Variants in EPHA4 observed in about 807,000 individuals in gnomAD.
EPHA4 encodes the protein ephrin type-A receptor 4.
Under a neutral mutation model 108.3 loss-of-function variants are expected in EPHA4, and 19 were observed. The ratio of observed to expected loss-of-function variants is 0.18; its 90% CI spans 0.12 to 0.26. The LOEUF is 0.26. Among genes scored for constraint, EPHA4 ranks in the 10% least tolerant of loss-of-function variants. The pLI, the probability that EPHA4 is intolerant of heterozygous loss-of-function variation, is 1.00. For synonymous variants in EPHA4, 449 were observed against 455.5 expected, an observed-to-expected ratio of 0.99 and a Z score of 0.18; for missense variants, 917 against 1,254.0, an observed-to-expected ratio of 0.73 and a Z score of 4.06.
intron 3 of EPHA4, among the ~76,000 whole-genome samples, chr2:221,553,173 A>G (rs930987027): frequency 1.3e-5 from 2 of 152,234 alleles, no homozygotes; most frequent in African/African-American, 2.4e-5. Flanking sequence ...TTAAGGGCCT[A>G]AAGATTGCAA....
upstream of EPHA4, chr2:221,572,496 C>G (rs1007014474): frequency 3.3e-5 from 8 of 243,090 alleles, no homozygotes; most frequent in African/African-American, 2.2e-4. Context: ...TCCCGGGGCT[C>G]TAGGGGGCGA....
intron 3 of EPHA4, among the ~76,000 whole-genome samples, chr2:221,516,919 C>T (rs2106170222): frequency 6.6e-6 from 1 of 152,250 alleles, no homozygotes; most frequent in East Asian, 1.9e-4. Flanking sequence ...GCAGAGATTC[C>T]CAAGCACTCC....
At chr2:221,462,475 A>C (rs1184273432) in intron 5 of EPHA4, among the ~76,000 whole-genome samples, 1 of 152,128 alleles carries the variant, frequency 6.6e-6, no homozygotes, top group Non-Finnish European at 1.5e-5. Context: ...TGACACATGC[A>C]TTCAGTGGTG....
intron 8 of EPHA4, among the ~76,000 whole-genome samples, chr2:221,446,903 G>A (rs1232196219): frequency 1.3e-5 from 2 of 152,172 alleles, no homozygotes; most frequent in African/African-American, 2.4e-5. Context: ...ATGGTGCATT[G>A]TCTTAAACCT....
Position 221,513,413 on chromosome 2 carries a change from C to T in EPHA4, c.824-12241G>A, listed in dbSNP as rs13429328. Among the ~76,000 whole-genome samples, 822 of 152,294 alleles carry T rather than the reference C, an allele frequency of 5.4e-3. 8 individuals carry two copies. The highest frequency in any genetic ancestry group is 0.018 in the African/African-American group (762 of 41,566). On this transcript the variant is annotated intron_variant, in intron 3 of 17. Coordinates refer to ENST00000281821, the MANE Select transcript of EPHA4 (RefSeq NM_004438.5). ...GCATTGCTAGTCATTGTCATCCAAA[C>T]GACTTTACAGCCTGAGTTGTCAGGA...
chr2:221,547,918 T>C (rs1182825067), intron 3 of EPHA4, among the ~76,000 whole-genome samples: 1 of 152,240 alleles, frequency 6.6e-6, no homozygotes, highest in African/African-American at 2.4e-5. Flanking sequence ...AGCACTTGGC[T>C]GATGGTCATC....
intron 5 of EPHA4, among the ~76,000 whole-genome samples, chr2:221,481,890 A>G (rs1365997496): frequency 1.3e-5 from 2 of 152,186 alleles, no homozygotes; most frequent in African/African-American, 2.4e-5. Context: ...ATAATTGTAC[A>G]TAATCTATAA....
chr2:221,546,484 C>T (rs1694002278), intron 3 of EPHA4, among the ~76,000 whole-genome samples: 1 of 150,884 alleles, frequency 6.6e-6, no homozygotes, highest in Non-Finnish European at 1.5e-5. Flanking sequence ...CCTTTTTTCC[C>T]CTCCACCTCT....
At chr2:221,485,794 T>C (rs1182033352) in intron 4 of EPHA4, among the ~76,000 whole-genome samples, 1 of 152,182 alleles carries the variant, frequency 6.6e-6, no homozygotes, top group Non-Finnish European at 1.5e-5. Flanking sequence ...AGTATTCTAT[T>C]CTCAAGACAT....
chr2:221,421,693 A>G (rs988518837), intron 17 of EPHA4, among the ~76,000 whole-genome samples: 1 of 152,152 alleles, frequency 6.6e-6, no homozygotes, highest in African/African-American at 2.4e-5. Context: ...ATTTATAACA[A>G]CCAACTATCC....
intron 3 of EPHA4, among the ~76,000 whole-genome samples, chr2:221,539,150 G>C (rs1693758043): frequency 6.6e-6 from 1 of 152,158 alleles, no homozygotes; most frequent in African/African-American, 2.4e-5. Context: ...AGCAGGAGTA[G>C]GAGTAAGCGC....
chr2:221,543,518 A>AT (rs1693897737), intron 3 of EPHA4, among the ~76,000 whole-genome samples: 1 of 152,116 alleles, frequency 6.6e-6, no homozygotes, highest in African/African-American at 2.4e-5. Flanking sequence ...TTAATTTGCG[A>AT]TTTTTTACTA....
rs1559297249 is a variant in EPHA4, at chr2:221,566,925, GGAGA to G, written c.159+1789_159+1792del. On this transcript the variant is annotated intron_variant, in intron 2 of 17. Transcript: ENST00000281821. ...AGGAGAAGGAGAAGGAGAAGGAGAAGGAGAAGGAGAAGGAGAAGGAGAAGGAGAA... is the reference window on the plus strand; with the variant it reads ...AGGAGAAGGAGAAGGAGAAGGAGAAGAGGAGAAGGAGAAGGAGAAGGAGAA... 3.0e-4 allele frequency among the ~76,000 whole-genome samples: 19 copies of G among 63,490 alleles called. 2 individuals carry two copies. Among genetic ancestry groups the G allele is most frequent in the African/African-American group, 8.1e-4 (9 of 11,144 alleles). 41.7% of individuals were successfully genotyped at this position (63,490 alleles called of 152,430 possible). A position where few individuals can be genotyped will look rare whatever the true frequency, so the allele number is the denominator to read the frequency against.
chr2:221,545,418 G>C (rs1175454628), intron 3 of EPHA4, among the ~76,000 whole-genome samples: 1 of 151,968 alleles, frequency 6.6e-6, no homozygotes, highest in African/African-American at 2.4e-5. Context: ...GCAGTGAGCC[G>C]AGACTGCACC....
At chr2:221,509,967 T>G (rs1001078947) in intron 3 of EPHA4, among the ~76,000 whole-genome samples, 1 of 152,164 alleles carries the variant, frequency 6.6e-6, no homozygotes, top group African/African-American at 2.4e-5. Context: ...TTTTCATCTG[T>G]AGGGCTGAAA....
intron 5 of EPHA4, among the ~76,000 whole-genome samples, chr2:221,481,633 G>A (rs1234285654): frequency 6.6e-6 from 1 of 151,956 alleles, no homozygotes; most frequent in Non-Finnish European, 1.5e-5. Context: ...CAGCTTGGGC[G>A]ACAGAGTGAA....
intron 17 of EPHA4, among the ~76,000 whole-genome samples, chr2:221,421,323 AG>A (rs1689756441): frequency 6.6e-6 from 1 of 152,184 alleles, no homozygotes; most frequent in Non-Finnish European, 1.5e-5. Context: ...AAGAAAAAAA[AG>A]AAAAATGCAA....
intron 3 of EPHA4, among the ~76,000 whole-genome samples, chr2:221,506,432 T>C (rs1219355750): frequency 6.6e-6 from 1 of 152,212 alleles, no homozygotes; most frequent in Non-Finnish European, 1.5e-5. Flanking sequence ...AACCAATTAA[T>C]TCCCCACAGT....
At chr2:221,554,360 T>A (rs568636428) in intron 3 of EPHA4, among the ~76,000 whole-genome samples, 283 of 152,348 alleles carry the variant, frequency 1.9e-3, no homozygotes, top group Admixed American at 5.0e-3. Flanking sequence ...GTGAAATTAG[T>A]TTGAACTCAA....
Sources: gnomAD v4.1 joint callset for allele counts (sites outside exome capture counted in the v4.1 genomes callset) on GRCh38, gnomAD v4.1.1 for gene constraint, MANE v1.5 for transcripts, NCBI Gene and HGNC (gene_info 2026-07-23, HGNC 2026-07-21) for gene names.